JMJD1C: variants seen among roughly 807,000 people sequenced by gnomAD.
The protein encoded by JMJD1C is jumonji domain containing 1C, also known as jumonji domain-containing protein 1C.
In JMJD1C, 31 loss-of-function variants were observed where a neutral mutation model predicts 245.3. The ratio of observed to expected loss-of-function variants is 0.13; its 90% CI spans 0.09 to 0.17. The LOEUF is 0.17. JMJD1C is among the 10% of genes least tolerant of loss of function. The pLI is 1.00. For synonymous variants in JMJD1C, 1,057 were observed against 1,017.4 expected (o/e 1.04, Z -0.74); for missense variants, 2,691 against 3,000.2 (o/e 0.90, Z 2.41).
chr10:63,167,811 A>C lies in JMJD1C; in HGVS notation c.*234T>G. Reference sequence around the variant, plus strand: ...TTTCACAAACATCATATACACTATAATACAAAACAGCTATATAGTGCTGCT... The same window carrying C: ...TTTCACAAACATCATATACACTATACTACAAAACAGCTATATAGTGCTGCT... On this transcript the variant is annotated 3_prime_UTR_variant, in exon 26 of 26. Transcript: ENST00000399262. The C allele has an allele frequency of 2.3e-6, 1 of 426,206 alleles. No individual in the cohort carries two copies. Among genetic ancestry groups the C allele is most frequent in the Non-Finnish European group, 4.2e-6 (1 of 236,978 alleles). The allele number at this position is 426,206 out of a possible 1,614,324, so 26.4% of individuals were successfully genotyped here.
chr10:63,312,109 T>G (rs1324180932), intron 2 of JMJD1C, among the ~76,000 whole-genome samples: 5 of 114,646 alleles, frequency 4.4e-5, no homozygotes, highest in African/African-American at 1.4e-4. Flanking sequence ...TTTTTTTTTT[T>G]TTTTTTTGTG....
chr10:63,259,943 C>T (rs979048819), intron 3 of JMJD1C, among the ~76,000 whole-genome samples: 4 of 152,084 alleles, frequency 2.6e-5, no homozygotes. Context: ...CTCTTATTGC[C>T]CAGGCTGGAG....
intron 1 of JMJD1C, among the ~76,000 whole-genome samples, chr10:63,508,521 T>C (rs1179422834): frequency 6.6e-6 from 1 of 152,208 alleles, no homozygotes; most frequent in East Asian, 1.9e-4. Flanking sequence ...ACAAAGTAAC[T>C]TAGTGGGATT....
chr10:63,369,059 G>A (rs924321292), intron 2 of JMJD1C, among the ~76,000 whole-genome samples: 12 of 152,086 alleles, frequency 7.9e-5, no homozygotes, highest in Admixed American at 7.2e-4. Context: ...GCCTAAGGAA[G>A]AATTAGTTAA....
intron 1 of JMJD1C, among the ~76,000 whole-genome samples, chr10:63,385,019 C>G (rs976239078): frequency 1.3e-5 from 2 of 152,090 alleles, no homozygotes; most frequent in African/African-American, 4.8e-5. Context: ...CACTTGAAAA[C>G]ATACAGGCAA....
intron 2 of JMJD1C, among the ~76,000 whole-genome samples, chr10:63,274,618 A>G (rs568913520): frequency 3.9e-4 from 60 of 152,326 alleles, no homozygotes; most frequent in African/African-American, 1.4e-3. Flanking sequence ...AGATCTTCTA[A>G]GCAATGCAAA....
chr10:63,318,587 C>A (rs1041434626), intron 2 of JMJD1C, among the ~76,000 whole-genome samples: 3 of 151,892 alleles, frequency 2.0e-5, no homozygotes, highest in Non-Finnish European at 4.4e-5. Context: ...CAAAAATATA[C>A]GAACTGATAA....
intron 2 of JMJD1C, among the ~76,000 whole-genome samples, chr10:63,344,148 A>T (rs1943608822): frequency 1.3e-5 from 2 of 152,194 alleles, no homozygotes; most frequent in African/African-American, 4.8e-5. Flanking sequence ...CTTCCCACTC[A>T]TTCACTGACA....
chr10:63,496,621 ACTT>A (rs1165137001), intron 1 of JMJD1C, among the ~76,000 whole-genome samples: 2 of 152,184 alleles, frequency 1.3e-5, no homozygotes, highest in Non-Finnish European at 2.9e-5. Context: ...AAGTTTCATT[ACTT>A]CTTCTGAGCT....
At chr10:63,424,458 C>A (rs1298991051) in intron 1 of JMJD1C, among the ~76,000 whole-genome samples, 1 of 148,234 alleles carries the variant, frequency 6.7e-6, no homozygotes, top group East Asian at 2.0e-4. Context: ...GTGGCTTGCT[C>A]AACATCATCT....
intron 4 of JMJD1C, among the ~76,000 whole-genome samples, chr10:63,218,726 T>C (rs1387298749): frequency 1.3e-5 from 2 of 151,962 alleles, no homozygotes; most frequent in Non-Finnish European, 2.9e-5. Context: ...TTTTTAAAAA[T>C]TTGCCTGGTT....
chr10:63,503,066 G>T (rs1202681841), intron 1 of JMJD1C, among the ~76,000 whole-genome samples: 1 of 152,284 alleles, frequency 6.6e-6, no homozygotes, highest in South Asian at 2.1e-4. Context: ...AATGATCCAT[G>T]TAAAAAAGCT....
chr10:63,508,410 G>A (rs936692202), intron 1 of JMJD1C, among the ~76,000 whole-genome samples: 1 of 152,132 alleles, frequency 6.6e-6, no homozygotes, highest in African/African-American at 2.4e-5. Context: ...AACTTGGGCA[G>A]TGTCAATTCT....
chr10:63,189,154 C>A lies in JMJD1C; in HGVS notation c.6570+14G>T, dbSNP rs2132952484. 1 of 1,586,492 alleles carries A rather than the reference C, an allele frequency of 6.3e-7. No individual in the cohort carries two copies. ...TTCCACCAAGAGTGTTCTTTATCAGCCTAAAATACACACCTGTCCTTGTTT... is the reference window on the plus strand; with the variant it reads ...TTCCACCAAGAGTGTTCTTTATCAGACTAAAATACACACCTGTCCTTGTTT... On this transcript the variant is annotated intron_variant, in intron 18 of 25. Transcript: ENST00000399262.
chr10:63,521,405 A>G (rs1955233107), intron 1 of JMJD1C: 2 of 220,106 alleles, frequency 9.1e-6, no homozygotes, highest in Non-Finnish European at 1.6e-5. Context: ...GCGCGCACAC[A>G]CCGGGCCCGG....
At chr10:63,350,677 T>C (rs1944277504) in intron 2 of JMJD1C, among the ~76,000 whole-genome samples, 1 of 150,404 alleles carries the variant, frequency 6.6e-6, no homozygotes, top group Non-Finnish European at 1.5e-5. Flanking sequence ...AGTGCAGTGG[T>C]GCAATCTCAG....
chr10:63,452,808 G>A (rs894707776), intron 1 of JMJD1C, among the ~76,000 whole-genome samples: 3 of 152,076 alleles, frequency 2.0e-5, no homozygotes, highest in Non-Finnish European at 4.4e-5. Flanking sequence ...GTTAAAATAA[G>A]CCAGACACAA....
intron 3 of JMJD1C, among the ~76,000 whole-genome samples, chr10:63,253,111 T>A (rs1364044728): frequency 1.3e-5 from 2 of 152,156 alleles, no homozygotes; most frequent in East Asian, 3.9e-4. Context: ...TATCTTAGAG[T>A]GAGCAATCAT....
At chr10:63,396,927 TG>T (rs1948533019) in intron 1 of JMJD1C, among the ~76,000 whole-genome samples, 1 of 149,886 alleles carries the variant, frequency 6.7e-6, no homozygotes, top group South Asian at 2.1e-4. Flanking sequence ...AACTGGTTTT[TG>T]GTTTTTTTTT....
Sources: allele counts gnomAD v4.1 joint callset (sites outside exome capture counted in the v4.1 genomes callset), GRCh38; gene constraint gnomAD v4.1.1; transcripts MANE v1.5; gene names NCBI Gene and HGNC (gene_info 2026-07-23, HGNC 2026-07-21).